Variants in ULK4 observed in about 807,000 individuals in gnomAD.
ULK4 encodes inactive serine/threonine-protein kinase ULK4.
ULK4 carries 133 observed loss-of-function variants against 160.6 expected under a neutral mutation model. The observed-to-expected ratio is 0.83, with a 90% CI of 0.72 to 0.96. The LOEUF (loss-of-function observed/expected upper bound fraction) is 0.96. ULK4 is among the 40% of genes least tolerant of loss of function. The pLI is 0.00. For missense variants in ULK4, 1,580 were observed against 1,499.5 expected, an observed-to-expected ratio of 1.05 and a Z score of -0.89; for synonymous variants, 534 against 539.8, an observed-to-expected ratio of 0.99 and a Z score of 0.15.
intron 27 of ULK4, among the ~76,000 whole-genome samples, chr3:41,685,553 T>C (rs1345535860): frequency 1.3e-5 from 2 of 152,136 alleles, no homozygotes; most frequent in South Asian, 2.1e-4. Context: ...TAAACCAAGA[T>C]TGTAGAGTGT....
chr3:41,411,435 A>T (rs374576998), intron 34 of ULK4, among the ~76,000 whole-genome samples: 3,805 of 94,768 alleles, frequency 0.04, 91 homozygotes, highest in Admixed American at 0.12. Flanking sequence ...TTTTTTTTTT[A>T]TTTTTATTTT....
intron 22 of ULK4, among the ~76,000 whole-genome samples, chr3:41,749,461 T>G (rs945479097): frequency 2.0e-5 from 3 of 152,184 alleles, no homozygotes; most frequent in African/African-American, 7.2e-5. Flanking sequence ...ACAGCCTGCA[T>G]GACTAAGCGA....
chr3:41,650,090 G>A (rs922348095), intron 30 of ULK4, among the ~76,000 whole-genome samples: 25 of 152,044 alleles, frequency 1.6e-4, no homozygotes, highest in Non-Finnish European at 1.8e-4. Flanking sequence ...TCTCTGCTGA[G>A]AGCTGGAGAC....
At chr3:41,730,895 T>C (rs926988684) in intron 22 of ULK4, among the ~76,000 whole-genome samples, 6 of 152,124 alleles carry the variant, frequency 3.9e-5, no homozygotes, top group African/African-American at 1.4e-4. Flanking sequence ...AATCAATAAA[T>C]GTGATCCATC....
At chr3:41,644,467 T>C (rs2034384627) in intron 30 of ULK4, among the ~76,000 whole-genome samples, 1 of 152,244 alleles carries the variant, frequency 6.6e-6, no homozygotes, top group Non-Finnish European at 1.5e-5. Context: ...GTTTTTCTCT[T>C]TGGTTCTGTT....
At chr3:41,288,316 A>G (rs59081381) in intron 35 of ULK4, among the ~76,000 whole-genome samples, 38,995 of 151,976 alleles carry the variant, frequency 0.26, 7,594 homozygotes, top group African/African-American at 0.54. Context: ...GAGCCCCACT[A>G]AGCACCAGGG....
intron 32 of ULK4, among the ~76,000 whole-genome samples, chr3:41,540,244 C>T (rs972326659): frequency 2.0e-5 from 3 of 150,594 alleles, no homozygotes; most frequent in Admixed American, 6.6e-5. Context: ...GTGTGTGATG[C>T]GTTCGCATTG....
At chr3:41,839,605 C>CA (rs1024841834) in intron 17 of ULK4, among the ~76,000 whole-genome samples, 5 of 150,958 alleles carry the variant, frequency 3.3e-5, no homozygotes, top group East Asian at 1.9e-4. Context: ...ACCAACTCCT[C>CA]AAAAAAAACT....
chr3:41,410,047 G>A (rs1267828299), intron 34 of ULK4, among the ~76,000 whole-genome samples: 1 of 152,080 alleles, frequency 6.6e-6, no homozygotes, highest in Non-Finnish European at 1.5e-5. Flanking sequence ...ACAGTAACAA[G>A]CAGTTGGTGA....
At chr3:41,435,082 A>G (rs1487643926) in intron 34 of ULK4, among the ~76,000 whole-genome samples, 2 of 152,244 alleles carry the variant, frequency 1.3e-5, no homozygotes, top group African/African-American at 4.8e-5. Context: ...TAATTATAAA[A>G]AGTTATGAGT....
chr3:41,366,218 T>G (rs960057798), intron 35 of ULK4, among the ~76,000 whole-genome samples: 1 of 152,172 alleles, frequency 6.6e-6, no homozygotes. Flanking sequence ...GGCTTCACTA[T>G]AGGTGCAATT....
chr3:41,690,648 T>C (rs1023899679), intron 27 of ULK4, among the ~76,000 whole-genome samples: 1 of 151,588 alleles, frequency 6.6e-6, no homozygotes, highest in African/African-American at 2.4e-5. Flanking sequence ...AAATTTTAGC[T>C]ACTCTGCTAC....
intron 35 of ULK4, among the ~76,000 whole-genome samples, chr3:41,311,079 A>C (rs544036455): frequency 1.2e-3 from 177 of 152,290 alleles, no homozygotes; most frequent in African/African-American, 4.2e-3. Flanking sequence ...TGTGATGGTT[A>C]ATTTTATGTG....
intron 22 of ULK4, among the ~76,000 whole-genome samples, chr3:41,729,112 G>C (rs1048853173): frequency 6.6e-6 from 1 of 152,152 alleles, no homozygotes; most frequent in Non-Finnish European, 1.5e-5. Context: ...TACAGCAGGG[G>C]AGTGGCAGAG....
intron 16 of ULK4, among the ~76,000 whole-genome samples, chr3:41,889,413 TAATAA>T (rs1559630938): frequency 1.3e-5 from 2 of 151,986 alleles, no homozygotes; most frequent in South Asian, 4.1e-4. Flanking sequence ...AAATCCTAAA[TAATAA>T]AATGAGTGGG....
chr3:41,716,466 A>G (rs947970423), intron 23 of ULK4, among the ~76,000 whole-genome samples: 1 of 152,162 alleles, frequency 6.6e-6, no homozygotes, highest in Non-Finnish European at 1.5e-5. Context: ...ACCAAATTAT[A>G]GCCTTCAGGT....
At chr3:41,647,905 C>A (rs926709995) in intron 30 of ULK4, among the ~76,000 whole-genome samples, 2 of 152,194 alleles carry the variant, frequency 1.3e-5, no homozygotes, top group Non-Finnish European at 2.9e-5. Flanking sequence ...CAATGGCGGG[C>A]GCCCCTCCCC....
At chr3:41,808,503 A>G (rs537773924) in intron 19 of ULK4, among the ~76,000 whole-genome samples, 3 of 152,340 alleles carry the variant, frequency 2.0e-5, no homozygotes, top group South Asian at 4.1e-4. Flanking sequence ...ATACAAGCAA[A>G]TAAGAGTAGC....
chr3:41,631,274 A>G (rs1289250120), intron 30 of ULK4, among the ~76,000 whole-genome samples: 12 of 152,180 alleles, frequency 7.9e-5, no homozygotes, highest in Admixed American at 7.9e-4. Context: ...AGTATAAATA[A>G]ATTTTAGAAC....
Sources: gnomAD v4.1 joint callset for allele counts (sites outside exome capture counted in the v4.1 genomes callset) on GRCh38, gnomAD v4.1.1 for gene constraint, MANE v1.5 for transcripts, NCBI Gene and HGNC (gene_info 2026-07-23, HGNC 2026-07-21) for gene names.